AGAP1: variants seen among roughly 807,000 people sequenced by gnomAD.
AGAP1 encodes the protein ArfGAP with GTPase domain, ankyrin repeat and PH domain 1.
Under a neutral mutation model 105.3 loss-of-function variants are expected in AGAP1, and 29 were observed. The ratio of observed to expected loss-of-function variants is 0.28; its 90% CI spans 0.21 to 0.38. The LOEUF is 0.38. Among genes scored for constraint, AGAP1 ranks in the 10% least tolerant of loss-of-function variants. AGAP1 has a pLI of 1.00. For missense variants in AGAP1, 998 were observed against 1,165.1 expected, an observed-to-expected ratio of 0.86 and a Z score of 2.09; for synonymous variants, 509 against 485.9, an observed-to-expected ratio of 1.05 and a Z score of -0.63.
chr2:235,652,080 G>A (rs757982316), intron 1 of AGAP1, among the ~76,000 whole-genome samples: 1 of 152,140 alleles, frequency 6.6e-6, no homozygotes, highest in Non-Finnish European at 1.5e-5. Context: ...CATATCGAAG[G>A]GGGCAAACTT....
intron 1 of AGAP1, among the ~76,000 whole-genome samples, chr2:235,678,540 G>A (rs945711114): frequency 6.6e-6 from 1 of 152,154 alleles, no homozygotes; most frequent in African/African-American, 2.4e-5. Flanking sequence ...TTGTTAGGAC[G>A]GGGGCTGTGT....
chr2:235,557,079 C>T lies in AGAP1; in HGVS notation c.163+62230C>T, dbSNP rs1943998793. On this transcript the variant is annotated intron_variant, in intron 1 of 17. Transcript: ENST00000304032. The surrounding 1 kb of genome is among the most constrained non-coding windows in gnomAD (Gnocchi z 4.7). ...GGCGCGGGACTGGGGACTTAGGGGA[C>T]TGGGTCCTGGGGTGAGCTCTGGAGC... 6.6e-6 allele frequency among the ~76,000 whole-genome samples: 1 copy of T among 152,152 alleles called. No individual in the cohort carries two copies. Among genetic ancestry groups the T allele is most frequent in the Non-Finnish European group, 1.5e-5 (1 of 68,030 alleles).
intron 9 of AGAP1, among the ~76,000 whole-genome samples, chr2:235,828,418 G>A (rs1339111176): frequency 6.6e-6 from 1 of 152,168 alleles, no homozygotes; most frequent in Non-Finnish European, 1.5e-5. Flanking sequence ...TTCACAGACA[G>A]AATGAATGCT....
rs1022934309 is a variant in AGAP1 at position 235,865,944 on chromosome 2, A to T, written c.1051-17401A>T. 3.3e-5 allele frequency among the ~76,000 whole-genome samples: 5 copies of T among 152,184 alleles called. No individual in the cohort carries two copies. Among genetic ancestry groups the T allele is most frequent in the African/African-American group, 1.2e-4 (5 of 41,446 alleles). On this transcript the variant is annotated intron_variant, in intron 9 of 17. Coordinates refer to ENST00000304032, the MANE Select transcript of AGAP1 (RefSeq NM_001037131.3). The surrounding 1 kb of genome is among the most constrained non-coding windows in gnomAD (Gnocchi z 6.2). ...GCACACAACGAATGATTTCTATGTT[A>T]TCGATTTACTTCTTTCACTTAACGG... is the stretch of plus-strand genomic sequence containing the variant.
chr2:235,599,358 A>G lies in AGAP1; in HGVS notation c.163+104509A>G, dbSNP rs1945651537. 6.6e-6 allele frequency among the ~76,000 whole-genome samples: 1 copy of G among 152,028 alleles called. No individual in the cohort carries two copies. The highest frequency in any genetic ancestry group is 2.1e-4 in the South Asian group (1 of 4,818). On this transcript the variant is annotated intron_variant, in intron 1 of 17. Coordinates refer to ENST00000304032, the MANE Select transcript of AGAP1 (RefSeq NM_001037131.3). The surrounding 1 kb of genome is among the most constrained non-coding windows in gnomAD (Gnocchi z 5.3). ...CCCAGGAGGAGTCTGGTGATGGAGAAGGTGTGGCGGGCAGCAAGGAGGCTG... is the reference window on the plus strand; with the variant it reads ...CCCAGGAGGAGTCTGGTGATGGAGAGGGTGTGGCGGGCAGCAAGGAGGCTG...
rs552671234 is a variant in AGAP1 at position 235,989,058 on chromosome 2, G to A, written c.1645+20435G>A. ...TTGGTTTTTCTGTTCTTCAGAGTTT[G>A]CATCCCCTGAGAATTCCTCTCCTGT... On this transcript the variant is annotated intron_variant, in intron 13 of 17. Coordinates refer to ENST00000304032, the MANE Select transcript of AGAP1 (RefSeq NM_001037131.3). The surrounding 1 kb of genome is among the most constrained non-coding windows in gnomAD (Gnocchi z 4.4). 2.0e-5 allele frequency among the ~76,000 whole-genome samples: 3 copies of A among 152,226 alleles called. No individual in the cohort carries two copies. The South Asian group carries it at 6.2e-4, about 32-fold the overall frequency.
rs1487749860 is a variant in AGAP1 at position 235,905,447 on chromosome 2, T to C, written c.1156-3291T>C. The stretch of plus-strand genomic sequence containing the variant: ...CTAAAGATGCTTGAGAAAAACCTTT[T>C]TTAGGAAGTGACCAACACTCACCAC... On this transcript the variant is annotated intron_variant, in intron 10 of 17. Coordinates refer to ENST00000304032, the MANE Select transcript of AGAP1 (RefSeq NM_001037131.3). The surrounding 1 kb of genome is among the most constrained non-coding windows in gnomAD (Gnocchi z 4.2). Among the ~76,000 whole-genome samples, 1 of 152,194 alleles carries C rather than the reference T, an allele frequency of 6.6e-6. No individual in the cohort carries two copies. The highest frequency in any genetic ancestry group is 1.5e-5 in the Non-Finnish European group (1 of 68,024).
intron 1 of AGAP1, among the ~76,000 whole-genome samples, chr2:235,499,574 G>A (rs1257802135): frequency 2.6e-5 from 4 of 152,116 alleles, no homozygotes; most frequent in Non-Finnish European, 5.9e-5. Context: ...CGGCACCCGG[G>A]ACCTCCACAA....
At chr2:236,006,009 A>G (rs1490359540) in intron 13 of AGAP1, among the ~76,000 whole-genome samples, 1 of 152,220 alleles carries the variant, frequency 6.6e-6, no homozygotes, top group African/African-American at 2.4e-5. Context: ...TGGGGTGTCT[A>G]TGTAAATTTT....
At chr2:235,554,435 G>A (rs527706765) in intron 1 of AGAP1, among the ~76,000 whole-genome samples, 3 of 152,302 alleles carry the variant, frequency 2.0e-5, no homozygotes, top group African/African-American at 4.8e-5. Flanking sequence ...TCCTGGGAAG[G>A]AAAGAAAACG....
intron 1 of AGAP1, among the ~76,000 whole-genome samples, chr2:235,583,100 A>G (rs895325002): frequency 1.3e-5 from 2 of 152,234 alleles, no homozygotes; most frequent in African/African-American, 4.8e-5. Flanking sequence ...GCCAGAAGCC[A>G]GGGGCTCTGG....
intron 4 of AGAP1, among the ~76,000 whole-genome samples, chr2:235,742,440 T>TA (rs1456069806): frequency 1.3e-5 from 2 of 152,208 alleles, no homozygotes; most frequent in South Asian, 2.1e-4. Context: ...TTTTGTTTCT[T>TA]AGCATTAACG....
chr2:236,016,104 T>C (rs1010362313), intron 13 of AGAP1, among the ~76,000 whole-genome samples: 1 of 152,198 alleles, frequency 6.6e-6, no homozygotes, highest in Non-Finnish European at 1.5e-5. Context: ...AGAGCCATTT[T>C]TTAATCATAA....
At chr2:235,810,071 A>G (rs1958051598) in intron 9 of AGAP1, among the ~76,000 whole-genome samples, 1 of 152,202 alleles carries the variant, frequency 6.6e-6, no homozygotes, top group African/African-American at 2.4e-5. Context: ...CCCATTGATG[A>G]AAAGCCTTCA....
rs149099089 is a variant in AGAP1, at chr2:235,629,469, AAGG to A, written c.164-79707_164-79705del. 1.7e-3 allele frequency among the ~76,000 whole-genome samples: 259 copies of A among 152,202 alleles called. 6 individuals carry two copies. The East Asian group carries it at 0.046, about 27-fold the overall frequency. ...CTAGTCAGACACCGTAGACCAAGAA[AAGG>A]AGAACAGGACAGAGACATGAAAATC... On this transcript the variant is annotated intron_variant, in intron 1 of 17. Transcript: ENST00000304032.
In AGAP1 at chr2:235,799,062, AGAG is replaced by A. The variant is rs1276882932; in HGVS notation, c.802-302_802-300del. ...AGTTTAACCAACCCCTTTCATTTTCAGAGGAAAGAGAAAATAATCAAATTTGAA... is the reference window on the plus strand; with the variant it reads ...AGTTTAACCAACCCCTTTCATTTTCAGAAAGAGAAAATAATCAAATTTGAA... On this transcript the variant is annotated intron_variant, in intron 7 of 17. Coordinates refer to ENST00000304032, the MANE Select transcript of AGAP1 (RefSeq NM_001037131.3). This position sits in a 1 kb window ranked among gnomAD's most constrained non-coding sequence, Gnocchi z 5.0. Among the ~76,000 whole-genome samples, 1 of 152,116 alleles carries A rather than the reference AGAG, an allele frequency of 6.6e-6. No individual in the cohort carries two copies. Among genetic ancestry groups the A allele is most frequent in the Admixed American group, 6.5e-5 (1 of 15,280 alleles).
intron 1 of AGAP1, among the ~76,000 whole-genome samples, chr2:235,533,325 G>A (rs917588695): frequency 2.0e-5 from 3 of 152,184 alleles, no homozygotes; most frequent in African/African-American, 7.2e-5. Flanking sequence ...TGGCAGGCAG[G>A]AAATCAAGCG....
At chr2:235,920,156 A>G (rs773137618) in intron 11 of AGAP1, among the ~76,000 whole-genome samples, 10 of 152,184 alleles carry the variant, frequency 6.6e-5, no homozygotes, top group Admixed American at 2.6e-4. Flanking sequence ...GATTCTGTAT[A>G]TTCTTTTTTC....
chr2:235,513,762 G>T (rs1258718269), intron 1 of AGAP1, among the ~76,000 whole-genome samples: 2 of 152,064 alleles, frequency 1.3e-5, no homozygotes, highest in Admixed American at 1.3e-4. Flanking sequence ...GTTCCATTGG[G>T]TGCATTTCTG....
Sources: gnomAD v4.1 joint callset for allele counts (sites outside exome capture counted in the v4.1 genomes callset) on GRCh38, gnomAD v4.1.1 for gene constraint, Gnocchi (gnomAD v3.1) non-coding constraint, MANE v1.5 for transcripts, NCBI Gene and HGNC (gene_info 2026-07-23, HGNC 2026-07-21) for gene names.